The following TAMM41 variants were observed in gnomAD, a reference collection of about 807,000 sequenced individuals.
TAMM41 encodes the protein phosphatidate cytidylyltransferase, mitochondrial.
Under a neutral mutation model 44.1 loss-of-function variants are expected in TAMM41, and 36 were observed. The observed-to-expected ratio is 0.82, with a 90% CI of 0.63 to 1.08. The LOEUF is 1.08. TAMM41 is among the 50% of genes least tolerant of loss of function. The pLI, the probability that TAMM41 is intolerant of heterozygous loss-of-function variation, is 0.00. For synonymous variants in TAMM41, 164 were observed against 153.1 expected (o/e 1.07, Z -0.53); for missense variants, 417 against 404.3 (o/e 1.03, Z -0.27).
At chr3:11,786,323 G>C (rs1321252955), downstream of TAMM41, among the ~76,000 whole-genome samples, 6 of 98,200 alleles carry the variant, frequency 6.1e-5, no homozygotes, top group African/African-American at 1.9e-4. Context: ...ATTATTTTTT[G>C]AGATGGAATC....
At chr3:11,727,950 C>T in the TAMM41 span, among the ~76,000 whole-genome samples, 1 of 151,822 alleles carries the variant, frequency 6.6e-6, no homozygotes, top group Non-Finnish European at 1.5e-5. Context: ...CCACACCTGG[C>T]TAATTTTTCT....
chr3:11,807,395 A>G lies in TAMM41; in HGVS notation c.937+438T>C, dbSNP rs1307550827. On this transcript the variant is annotated intron_variant, in intron 7 of 7. Transcript: ENST00000455809. The stretch of plus-strand genomic sequence containing the variant: ...TGATACCTAAAGTTGAAACGTAGAG[A>G]AGGAGCAACGAAAACTTACCATTTA... The G allele has an allele frequency of 7.9e-6, 12 of 1,522,980 alleles. 1 individual carries two copies. The Admixed American group carries it at 2.3e-4, about 29-fold the overall frequency. The allele number at this position is 1,522,980 out of a possible 1,614,324, so 94.3% of individuals were successfully genotyped here.
the TAMM41 span, among the ~76,000 whole-genome samples, chr3:11,764,515 CAG>C: frequency 1.7e-5 from 1 of 57,666 alleles, no homozygotes; most frequent in African/African-American, 9.2e-5. Flanking sequence ...TTTTTTGAGA[CAG>C]AGTCTTGCTC....
the TAMM41 span, among the ~76,000 whole-genome samples, chr3:11,723,372 G>C: frequency 3.9e-5 from 6 of 152,004 alleles, no homozygotes; most frequent in Non-Finnish European, 7.4e-5. Flanking sequence ...TTTAGCTCAG[G>C]AGTTTGAGAC....
chr3:11,839,161 A>T, intron 3 of TAMM41, 61 bp downstream of exon 3: 1 of 1,052,082 alleles, frequency 9.5e-7, no homozygotes, highest in African/African-American at 1.6e-5. Flanking sequence ...ACAATGATCA[A>T]AGTAAGGTTA....
At chr3:11,767,247 T>TAAAA in the TAMM41 span, among the ~76,000 whole-genome samples, 5 of 152,090 alleles carry the variant, frequency 3.3e-5, no homozygotes, top group African/African-American at 9.7e-5. Context: ...TTTTGTGTTT[T>TAAAA]TAGTAGAGAC....
the TAMM41 span, among the ~76,000 whole-genome samples, chr3:11,761,117 G>A: frequency 6.7e-5 from 10 of 150,292 alleles, no homozygotes; most frequent in South Asian, 2.1e-4. Context: ...GCAGTGAGCC[G>A]AGATCGGGCC....
intron 4 of TAMM41, among the ~76,000 whole-genome samples, chr3:11,828,502 C>T (rs2078850606): frequency 6.6e-6 from 1 of 152,184 alleles, no homozygotes; most frequent in African/African-American, 2.4e-5. Context: ...AGTCAGCTTT[C>T]ATAAAAGGCT....
At chr3:11,837,692 G>A (rs1030814612) in intron 3 of TAMM41, among the ~76,000 whole-genome samples, 1 of 152,140 alleles carries the variant, frequency 6.6e-6, no homozygotes, top group Non-Finnish European at 1.5e-5. Flanking sequence ...AGGATCCCAC[G>A]ACTCAGGCAC....
At chr3:11,828,797 T>C (rs1173706037) in intron 4 of TAMM41, among the ~76,000 whole-genome samples, 2 of 152,184 alleles carry the variant, frequency 1.3e-5, no homozygotes, top group African/African-American at 4.8e-5. Context: ...CTAAGGTCTC[T>C]TACAGCATTA....
Position 11,846,753 on chromosome 3 carries a change from A to T in TAMM41, c.-117T>A, listed in dbSNP as rs529553583. The T allele has an allele frequency of 1.5e-6, 2 of 1,343,740 alleles. No homozygotes were observed. Among genetic ancestry groups the T allele is most frequent in the Admixed American group, 3.7e-5 (2 of 54,310 alleles). 83.2% of individuals were successfully genotyped at this position (1,343,740 alleles called of 1,614,324 possible). On this transcript the variant is annotated 5_prime_UTR_variant, in exon 1 of 8. Coordinates refer to ENST00000455809, the MANE Select transcript of TAMM41 (RefSeq NM_001284401.2). ...TGGAAGTCGGAGACTGGATCGAGGG[A>T]CACAAGGCTGAGTGTGGGGTGGGAC...
intron 1 of TAMM41, among the ~76,000 whole-genome samples, chr3:11,845,560 T>C (rs2079645212): frequency 6.6e-6 from 1 of 152,202 alleles, no homozygotes; most frequent in Admixed American, 6.5e-5. Flanking sequence ...TGTGTAATTA[T>C]GTTAAGGTAA....
the TAMM41 span, among the ~76,000 whole-genome samples, chr3:11,747,184 T>G: frequency 6.6e-6 from 1 of 152,240 alleles, no homozygotes; most frequent in Non-Finnish European, 1.5e-5. Context: ...TGCCTCAGCC[T>G]CCCGAGTAGC....
chr3:11,742,437 G>A, the TAMM41 span, among the ~76,000 whole-genome samples: 19 of 150,188 alleles, frequency 1.3e-4, 1 homozygote, highest in Non-Finnish European at 2.4e-4. Flanking sequence ...CTTTTGTCGC[G>A]GAGGAATCCT....
chr3:11,846,739 G>T lies in TAMM41; in HGVS notation c.-103C>A. The stretch of plus-strand genomic sequence containing the variant: ...TTTAGGGTGGGAAATGGAAGTCGGA[G>T]ACTGGATCGAGGGACACAAGGCTGA... On this transcript the variant is annotated 5_prime_UTR_variant, in exon 1 of 8. Coordinates refer to ENST00000455809, the MANE Select transcript of TAMM41 (RefSeq NM_001284401.2). 2 of 1,461,946 alleles carry T rather than the reference G, an allele frequency of 1.4e-6. No homozygotes were observed. Among genetic ancestry groups the T allele is most frequent in the Non-Finnish European group, 1.9e-6 (2 of 1,063,458 alleles). The allele number at this position is 1,461,946 out of a possible 1,614,324, so 90.6% of individuals were successfully genotyped here. A position where few individuals can be genotyped will look rare whatever the true frequency, so the allele number is the denominator to read the frequency against.
At chr3:11,803,375 C>T (rs774602979) in intron 7 of TAMM41, among the ~76,000 whole-genome samples, 1 of 151,816 alleles carries the variant, frequency 6.6e-6, no homozygotes, top group Admixed American at 6.6e-5. Context: ...CAGAGTGAGG[C>T]AGTTGCTCTG....
chr3:11,821,015 A>T (rs2078498738), intron 4 of TAMM41, among the ~76,000 whole-genome samples: 1 of 152,202 alleles, frequency 6.6e-6, no homozygotes, highest in Non-Finnish European at 1.5e-5. Context: ...AGGGTGACTG[A>T]GGTCAAGTTA....
chr3:11,807,392 GAGA>G, intron 7 of TAMM41: 1 of 1,521,408 alleles, frequency 6.6e-7, no homozygotes, highest in Non-Finnish European at 8.8e-7. Flanking sequence ...TTGAAACGTA[GAGA>G]AGGAGCAACG....
intron 7 of TAMM41, among the ~76,000 whole-genome samples, chr3:11,796,108 G>A (rs73130889): frequency 0.026 from 3,942 of 152,290 alleles, 171 homozygotes; most frequent in African/African-American, 0.089. Flanking sequence ...GGAATTTCAA[G>A]GGAACTAATA....
Sources: gnomAD v4.1 joint callset for allele counts (sites outside exome capture counted in the v4.1 genomes callset) on GRCh38, gnomAD v4.1.1 for gene constraint, MANE v1.5 for transcripts, NCBI Gene and HGNC (gene_info 2026-07-23, HGNC 2026-07-21) for gene names.